DST: variants seen among roughly 807,000 people sequenced by gnomAD.
The protein encoded by DST is bullous pemphigoid antigen.
A neutral mutation model predicts 875.2 loss-of-function variants in DST; 253 were observed. The observed-to-expected ratio is 0.29, with a 90% CI of 0.26 to 0.32. DST has a LOEUF of 0.32. DST is among the 10% of genes least tolerant of loss of function. The pLI is 1.00. For synonymous variants in DST, 3,124 were observed against 3,197.1 expected (o/e 0.98, Z 0.77); for missense variants, 8,287 against 9,111.6 (o/e 0.91, Z 3.68).
At chr6:56,579,241 C>A (rs1469275410) in intron 49 of DST, among the ~76,000 whole-genome samples, 1 of 152,064 alleles carries the variant, frequency 6.6e-6, no homozygotes. Context: ...ACCCTTAACC[C>A]CTACTTCTAG....
At chr6:56,617,556 G>T in intron 36 of DST, 1 of 754,728 alleles carries the variant, frequency 1.3e-6, no homozygotes, top group African/African-American at 1.7e-5. Flanking sequence ...ACCAAGGAGG[G>T]TTCAGGAATA....
At chr6:56,587,100 A>T (rs2098169049) in intron 49 of DST, among the ~76,000 whole-genome samples, 1 of 152,216 alleles carries the variant, frequency 6.6e-6, no homozygotes, top group South Asian at 2.1e-4. Flanking sequence ...GCTTCAGACG[A>T]TCAAACTACT....
At chr6:56,699,859 A>G (rs1021822007) in intron 8 of DST, 114 bp from the exon 9 acceptor site, 9 of 539,074 alleles carry the variant, frequency 1.7e-5, no homozygotes, top group Non-Finnish European at 2.6e-5. Context: ...GGAATAATTT[A>G]AACACCAGTA....
chr6:56,810,508 C>G (rs549184216), intron 4 of DST, among the ~76,000 whole-genome samples: 65 of 152,144 alleles, frequency 4.3e-4, no homozygotes, highest in African/African-American at 1.6e-3. Flanking sequence ...ATGTTCCTAC[C>G]TTTTAAGAAC....
intron 10 of DST, 79 bp downstream of exon 10, chr6:56,670,562 T>C (rs1177081890): frequency 1.9e-6 from 2 of 1,049,886 alleles, no homozygotes; most frequent in South Asian, 2.4e-5. Context: ...TCTATAATAA[T>C]AAAAGATAAT....
rs370484930 is a variant in DST at position 56,607,266 on chromosome 6, T to C, written c.7362A>G (p.Thr2454=). The part of the protein sequence containing the change: ...LMHSQGSFND[T]HTPESNGNKC... ...TATTTCCATTGCTCTCTGGGGTGTG[T>C]GTATCATTAAAACTTCCCTGACTGT... Residue 2454 remains threonine (T), a synonymous_variant, in exon 40 of 104, where the codon ACA becomes ACG. Coordinates refer to ENST00000680361, the MANE Select transcript of DST (RefSeq NM_001374736.1). 6.2e-7 allele frequency: 1 copy of C among 1,613,514 alleles called. No individual in the cohort carries two copies. The highest frequency in any genetic ancestry group is 8.5e-7 in the Non-Finnish European group (1 of 1,179,646).
At chr6:56,745,472 A>G (rs1342580062) in intron 4 of DST, among the ~76,000 whole-genome samples, 1 of 152,230 alleles carries the variant, frequency 6.6e-6, no homozygotes, top group African/African-American at 2.4e-5. Context: ...GTACACGAAG[A>G]AATTATACAA....
intron 73 of DST, 29 bp from the exon 74 acceptor site, chr6:56,509,902 G>A (rs1448201143): frequency 6.1e-5 from 89 of 1,466,264 alleles, no homozygotes; most frequent in Middle Eastern, 3.6e-4. Context: ...GATCTTTTAT[G>A]GAAAAAAGAT....
intron 2 of DST, among the ~76,000 whole-genome samples, chr6:56,924,355 G>C (rs1805893000): frequency 1.3e-5 from 2 of 152,078 alleles, no homozygotes; most frequent in South Asian, 2.1e-4. Context: ...GCTCTCCCTG[G>C]AGAGCCAGTT....
chr6:56,763,771 C>T (rs1436553840), intron 4 of DST, among the ~76,000 whole-genome samples: 1 of 148,530 alleles, frequency 6.7e-6, no homozygotes, highest in African/African-American at 2.5e-5. Context: ...AAGGATGTGC[C>T]TAGCAAATTA....
chr6:56,589,075 T>C (rs1324253194), intron 49 of DST, among the ~76,000 whole-genome samples: 1 of 152,134 alleles, frequency 6.6e-6, no homozygotes, highest in Non-Finnish European at 1.5e-5. Flanking sequence ...AGATTGTGAG[T>C]TCACCAAGGG....
At chr6:56,791,253 C>T (rs982231995) in intron 4 of DST, among the ~76,000 whole-genome samples, 4 of 152,016 alleles carry the variant, frequency 2.6e-5, no homozygotes, top group East Asian at 1.9e-4. Context: ...AGCGAGATTC[C>T]GTCTCAAAAA....
At chr6:56,780,004 C>T (rs1216156687) in intron 4 of DST, among the ~76,000 whole-genome samples, 1 of 150,514 alleles carries the variant, frequency 6.6e-6, no homozygotes, top group African/African-American at 2.5e-5. Context: ...AGATAGTTTA[C>T]TGAGAATGAT....
At chr6:56,810,751 C>T (rs1030587121) in intron 4 of DST, among the ~76,000 whole-genome samples, 3 of 151,560 alleles carry the variant, frequency 2.0e-5, no homozygotes, top group Non-Finnish European at 4.4e-5. Context: ...CTCCAGGTAT[C>T]CTGACTCCAA....
At position 56,832,540 on chromosome 6, in the gene DST, T is replaced by G. The variant is rs180801297; in HGVS notation, c.625+18857A>C. ...CTGTAAGTCCAACCTCTTTATTTTG[T>G]AAATTGCCCAGTCTCTGGTATGTCT... On this transcript the variant is annotated intron_variant, in intron 4 of 103. Coordinates refer to ENST00000680361, the MANE Select transcript of DST (RefSeq NM_001374736.1). 2.5e-3 allele frequency among the ~76,000 whole-genome samples: 386 copies of G among 151,884 alleles called. 6 individuals carry two copies. Among genetic ancestry groups the G allele is most frequent in the Non-Finnish European group, 2.6e-4 (18 of 67,986 alleles).
chr6:56,736,939 C>T (rs961628741), intron 4 of DST, among the ~76,000 whole-genome samples: 39 of 152,124 alleles, frequency 2.6e-4, no homozygotes, highest in African/African-American at 9.2e-4. Context: ...TTCGGGAGGC[C>T]AATGCAGGCA....
At chr6:56,838,047 G>A (rs1480908465) in intron 4 of DST, among the ~76,000 whole-genome samples, 3 of 151,946 alleles carry the variant, frequency 2.0e-5, no homozygotes, top group Non-Finnish European at 4.4e-5. Flanking sequence ...GAAATATTAA[G>A]AGCTAAGAAA....
rs200246586 is a variant in DST, at chr6:56,557,026, A to G, written c.14640+293T>C. Among the ~76,000 whole-genome samples, 3 of 152,202 alleles carry G rather than the reference A, an allele frequency of 2.0e-5. No individual in the cohort carries two copies. In the East Asian group the frequency reaches 5.8e-4, roughly 29 times the overall value. ...ACTTAATTGCATTAATACTTCAAAG[A>G]AGGCCCTTTTAACCAGATCTGTACC... On this transcript the variant is annotated intron_variant, in intron 59 of 103. Coordinates refer to ENST00000680361, the MANE Select transcript of DST (RefSeq NM_001374736.1).
chr6:56,849,396 A>G (rs1763842961), intron 4 of DST, among the ~76,000 whole-genome samples: 1 of 152,108 alleles, frequency 6.6e-6, no homozygotes, highest in South Asian at 2.1e-4. Context: ...GGGCCTCCCA[A>G]AGTGCTGGGA....
Sources: gnomAD v4.1 joint callset for allele counts (sites outside exome capture counted in the v4.1 genomes callset) on GRCh38, gnomAD v4.1.1 for gene constraint, MANE v1.5 for transcripts, NCBI Gene and HGNC (gene_info 2026-07-23, HGNC 2026-07-21) for gene names.